Variants in CTDSPL observed in about 807,000 individuals in gnomAD.
The protein encoded by CTDSPL is CTD small phosphatase-like protein.
A neutral mutation model predicts 30.5 loss-of-function variants in CTDSPL; 8 were observed. The ratio of observed to expected loss-of-function variants is 0.26; its 90% CI spans 0.15 to 0.47. CTDSPL has a LOEUF of 0.47. Among genes scored for constraint, CTDSPL ranks in the 20% least tolerant of loss-of-function variants. The pLI, the probability that CTDSPL is intolerant of heterozygous loss-of-function variation, is 0.99. For missense variants in CTDSPL, 248 were observed against 366.1 expected, an observed-to-expected ratio of 0.68 and a Z score of 2.63; for synonymous variants, 110 against 137.9, an observed-to-expected ratio of 0.80 and a Z score of 1.42.
At chr3:37,872,559 TA>T (rs1414642955) in intron 1 of CTDSPL, among the ~76,000 whole-genome samples, 146 of 138,922 alleles carry the variant, frequency 1.1e-3, no homozygotes, top group Middle Eastern at 3.6e-3. Flanking sequence ...TTTTTTTTTT[TA>T]AATTCTTTTA....
intron 1 of CTDSPL, among the ~76,000 whole-genome samples, chr3:37,918,912 A>G (rs985636875): frequency 1.1e-4 from 17 of 152,168 alleles, no homozygotes; most frequent in African/African-American, 4.1e-4. Context: ...ACTAAGGGAC[A>G]TTGTGGGGAG....
At chr3:37,977,215 A>G (rs114865520) in intron 7 of CTDSPL, among the ~76,000 whole-genome samples, 1,661 of 152,364 alleles carry the variant, frequency 0.011, 34 homozygotes, top group African/African-American at 0.036. Context: ...AGTCACGGTC[A>G]GATCTGACAA....
At position 37,862,809 on chromosome 3, in the gene CTDSPL, A is replaced by G. The variant is rs769005460; in HGVS notation, c.79+531A>G. ...GGTTGTGGAATGTGTGTGCGTGAGC[A>G]TGAGCCTGGAGAGGTTCTATGCCTG... is the stretch of plus-strand genomic sequence containing the variant. On this transcript the variant is annotated intron_variant, in intron 1 of 7. Coordinates refer to ENST00000273179, the MANE Select transcript of CTDSPL (RefSeq NM_001008392.2). The surrounding 1 kb of genome is among the most constrained non-coding windows in gnomAD (Gnocchi z 4.3). Among the ~76,000 whole-genome samples, 17 of 152,292 alleles carry G rather than the reference A, an allele frequency of 1.1e-4. No homozygotes were observed. The highest frequency in any genetic ancestry group is 2.0e-4 in the Admixed American group (3 of 15,312).
In CTDSPL at chr3:37,921,469, G is replaced by A. The variant is rs571395863; in HGVS notation, c.80-25588G>A. ...GAGACTGTATTGCAGGTCGTCGGAGGTGTATCTGTCTCCTCCCCCTAGTTT... is the reference window on the plus strand; with the variant it reads ...GAGACTGTATTGCAGGTCGTCGGAGATGTATCTGTCTCCTCCCCCTAGTTT... On this transcript the variant is annotated intron_variant, in intron 1 of 7. Transcript: ENST00000273179. 6.0e-4 allele frequency among the ~76,000 whole-genome samples: 91 copies of A among 152,318 alleles called. No homozygotes were observed. In the Middle Eastern group the frequency reaches 0.014, roughly 23 times the overall value.
At position 37,980,844 on chromosome 3, in the gene CTDSPL, C is replaced by T. The variant is rs145604426; in HGVS notation, c.808C>T (p.Leu270=). The change falls in exon 8 of 8, where the codon CTG becomes TTG. Residue 270 remains leucine (L), a synonymous_variant. Coordinates refer to ENST00000273179, the MANE Select transcript of CTDSPL (RefSeq NM_001008392.2). ...LSREDDVYSM[L]HRLCNR is the part of the protein sequence containing the mutation. ...CCGGGAGGACGACGTGTACAGCATG[C>T]TGCACAGACTCTGCAATAGGTAGCC... 7.4e-6 allele frequency: 12 copies of T among 1,614,024 alleles called. No homozygotes were observed. Among genetic ancestry groups the T allele is most frequent in the African/African-American group, 4.0e-5 (3 of 74,942 alleles).
rs567638395 is a variant in CTDSPL at position 37,903,946 on chromosome 3, A to C, written c.79+41668A>C. On this transcript the variant is annotated intron_variant, in intron 1 of 7. Coordinates refer to ENST00000273179, the MANE Select transcript of CTDSPL (RefSeq NM_001008392.2). ...CACCAGGTTACTGACTTATTCAAGC[A>C]GTTCATGCAGTGGCTATTACAGTGT... Among the ~76,000 whole-genome samples the C allele has an allele frequency of 1.3e-3, 205 of 152,334 alleles. 1 individual carries two copies. Among genetic ancestry groups the C allele is most frequent in the Admixed American group, 4.7e-3 (72 of 15,304 alleles).
At chr3:37,964,710 A>AT in intron 4 of CTDSPL, 38 bp downstream of exon 4, 1 of 1,465,772 alleles carries the variant, frequency 6.8e-7, no homozygotes, top group Non-Finnish European at 9.5e-7. Context: ...GATCTTTGTG[A>AT]TTTGATAACA....
chr3:37,962,274 G>A (rs532480800), intron 3 of CTDSPL, among the ~76,000 whole-genome samples: 2 of 152,280 alleles, frequency 1.3e-5, no homozygotes, highest in African/African-American at 4.8e-5. Flanking sequence ...TTACCCATGG[G>A]CTGAAGAATT....
At chr3:37,974,329 C>A (rs1575325329) in intron 6 of CTDSPL, among the ~76,000 whole-genome samples, 1 of 152,358 alleles carries the variant, frequency 6.6e-6, no homozygotes, top group Middle Eastern at 3.4e-3. Flanking sequence ...CCCACGGAAT[C>A]ATAGCTGCTG....
chr3:37,935,115 G>C (rs891980738), intron 1 of CTDSPL, among the ~76,000 whole-genome samples: 1 of 152,098 alleles, frequency 6.6e-6, no homozygotes, highest in African/African-American at 2.4e-5. Context: ...GTTGCTATGT[G>C]CTGATTTTAT....
chr3:37,980,983 A>ATTCACCCTGT lies in CTDSPL; in HGVS notation c.*116_*117insTTCACCCTGT. The ATTCACCCTGT allele has an allele frequency of 7.8e-7, 1 of 1,288,290 alleles. No homozygotes were observed. The highest frequency in any genetic ancestry group is 1.0e-6 in the Non-Finnish European group (1 of 964,580). 79.8% of individuals were successfully genotyped at this position (1,288,290 alleles called of 1,614,324 possible). A position where few individuals can be genotyped will look rare whatever the true frequency, so the allele number is the denominator to read the frequency against. On this transcript the variant is annotated 3_prime_UTR_variant, in exon 8 of 8. Transcript: ENST00000273179. ...GAGGATACTCCGTGCTCCAGGCCAC[A>ATTCACCCTGT]GGGTGAATGTGGCCATGCCTACCTG...
chr3:37,873,499 C>T (rs1698100683), intron 1 of CTDSPL, among the ~76,000 whole-genome samples: 1 of 152,138 alleles, frequency 6.6e-6, no homozygotes, highest in African/African-American at 2.4e-5. Context: ...ATTCAAGGTC[C>T]CTAGCTGATC....
chr3:37,884,950 A>T (rs1381575327), intron 1 of CTDSPL, among the ~76,000 whole-genome samples: 1 of 152,070 alleles, frequency 6.6e-6, no homozygotes, highest in Non-Finnish European at 1.5e-5. Flanking sequence ...AAGGGATTTG[A>T]TGGGGTGTGG....
rs184823278 is a variant in CTDSPL at position 37,905,024 on chromosome 3, G to A, written c.80-42033G>A. ...TTCCTTTGTGATTTGACCCCCCGCTGCCTCTCCGAGTCTTGTTACACTTTG... is the reference window on the plus strand; with the variant it reads ...TTCCTTTGTGATTTGACCCCCCGCTACCTCTCCGAGTCTTGTTACACTTTG... On this transcript the variant is annotated intron_variant, in intron 1 of 7. Coordinates refer to ENST00000273179, the MANE Select transcript of CTDSPL (RefSeq NM_001008392.2). 2.0e-5 allele frequency among the ~76,000 whole-genome samples: 3 copies of A among 152,302 alleles called. No individual in the cohort carries two copies. In the East Asian group the frequency reaches 5.8e-4, roughly 29 times the overall value.
At chr3:37,944,538 T>C (rs572020375) in intron 1 of CTDSPL, among the ~76,000 whole-genome samples, 2 of 150,208 alleles carry the variant, frequency 1.3e-5, no homozygotes, top group East Asian at 3.9e-4. Context: ...TCTGGAGCCC[T>C]ATTCAGGAAC....
intron 1 of CTDSPL, among the ~76,000 whole-genome samples, chr3:37,931,233 G>T (rs1395232823): frequency 6.6e-6 from 1 of 150,420 alleles, no homozygotes; most frequent in Non-Finnish European, 1.5e-5. Context: ...TTGCAGCCTT[G>T]AACTCCTGGG....
chr3:37,865,160 C>G (rs1697994978), intron 1 of CTDSPL, among the ~76,000 whole-genome samples: 1 of 152,208 alleles, frequency 6.6e-6, no homozygotes, highest in Non-Finnish European at 1.5e-5. Context: ...ATGCTCATAT[C>G]TTACAGTTGT....
chr3:37,880,115 A>G (rs1698186140), intron 1 of CTDSPL, among the ~76,000 whole-genome samples: 1 of 148,128 alleles, frequency 6.8e-6, no homozygotes, highest in Non-Finnish European at 1.5e-5. Context: ...ACCAAGTAAT[A>G]TTATATATAT....
rs116350111 is a variant in CTDSPL at position 37,899,703 on chromosome 3, T to G, written c.79+37425T>G. ...CAGATGCTCTCAAAAAAGCAAGGAC[T>G]CAGAGGGAGCCTTGAGTCCCAAAGA... On this transcript the variant is annotated intron_variant, in intron 1 of 7. Transcript: ENST00000273179. Among the ~76,000 whole-genome samples, 803 of 152,254 alleles carry G rather than the reference T, an allele frequency of 5.3e-3. 11 individuals are homozygous for G. The highest frequency in any genetic ancestry group is 0.018 in the African/African-American group (745 of 41,538).
Sources: allele counts gnomAD v4.1 joint callset (sites outside exome capture counted in the v4.1 genomes callset), GRCh38; gene constraint gnomAD v4.1.1; non-coding constraint Gnocchi (gnomAD v3.1); transcripts MANE v1.5; gene names NCBI Gene and HGNC (gene_info 2026-07-23, HGNC 2026-07-21).